AK8: variants seen among roughly 807,000 people sequenced by gnomAD.
AK8 encodes the protein adenylate kinase 8.
Under a neutral mutation model 54.6 loss-of-function variants are expected in AK8, and 44 were observed. The observed-to-expected ratio is 0.81, with a 90% CI of 0.63 to 1.04. The LOEUF (loss-of-function observed/expected upper bound fraction) is 1.04. Among genes scored for constraint, AK8 ranks in the 50% least tolerant of loss-of-function variants. The pLI is 0.00. For synonymous variants in AK8, 239 were observed against 245.6 expected (o/e 0.97, Z 0.25); for missense variants, 555 against 613.6 (o/e 0.90, Z 1.01).
At chr9:132,779,680 T>C (rs1296900754) in intron 11 of AK8, among the ~76,000 whole-genome samples, 3 of 122,600 alleles carry the variant, frequency 2.4e-5, no homozygotes, top group South Asian at 7.6e-4. Context: ...TCCAGAGCAG[T>C]AGTGCTGTGA....
intron 3 of AK8, among the ~76,000 whole-genome samples, chr9:132,866,203 AC>A (rs1482830811): frequency 6.6e-6 from 1 of 152,204 alleles, no homozygotes; most frequent in Non-Finnish European, 1.5e-5. Context: ...GTCTGAAAAA[AC>A]AAAAAAGGAC....
At chr9:132,816,894 G>A (rs897322924) in intron 9 of AK8, among the ~76,000 whole-genome samples, 1 of 152,186 alleles carries the variant, frequency 6.6e-6, no homozygotes, top group Non-Finnish European at 1.5e-5. Context: ...AGAATTTGTA[G>A]AACAGGGTAA....
chr9:132,792,835 T>C, intron 10 of AK8, 60 bp from the exon 11 acceptor site: 2 of 1,502,676 alleles, frequency 1.3e-6, no homozygotes, highest in Non-Finnish European at 1.8e-6. Context: ...GTCCTGGGCT[T>C]CCTAACTTTA....
chr9:132,814,034 T>C (rs1285201035), intron 10 of AK8, among the ~76,000 whole-genome samples: 2 of 151,926 alleles, frequency 1.3e-5, no homozygotes, highest in African/African-American at 2.4e-5. Flanking sequence ...TCCCAGCGTT[T>C]TGGGAGGCTG....
chr9:132,743,002 C>A (rs1432169991), intron 11 of AK8, among the ~76,000 whole-genome samples: 2 of 152,204 alleles, frequency 1.3e-5, no homozygotes, highest in Non-Finnish European at 2.9e-5. Flanking sequence ...TGTGATTCCG[C>A]TGAAGGAACA....
At chr9:132,863,889 G>A (rs775713916) in intron 3 of AK8, 111 bp from the exon 4 acceptor site, 75 of 816,882 alleles carry the variant, frequency 9.2e-5, no homozygotes, top group Non-Finnish European at 1.2e-4. Context: ...GTTGGCCATG[G>A]GGAAGCACAA....
chr9:132,825,134 C>T (rs554309679), intron 8 of AK8, among the ~76,000 whole-genome samples: 1 of 152,284 alleles, frequency 6.6e-6, no homozygotes, highest in South Asian at 2.1e-4. Flanking sequence ...AGCCTGCTTA[C>T]AAATGATGCT....
intron 11 of AK8, among the ~76,000 whole-genome samples, chr9:132,761,708 T>A (rs544343944): frequency 1.3e-5 from 2 of 152,292 alleles, no homozygotes; most frequent in East Asian, 3.9e-4. Context: ...ACTATATTTA[T>A]TATCAAAATG....
At chr9:132,841,829 C>T (rs899065961) in intron 5 of AK8, among the ~76,000 whole-genome samples, 2 of 152,066 alleles carry the variant, frequency 1.3e-5, no homozygotes, top group African/African-American at 2.4e-5. Flanking sequence ...AGCACCCTGG[C>T]GCTTGATTCT....
chr9:132,795,616 G>A (rs1050453109), intron 10 of AK8, among the ~76,000 whole-genome samples: 27 of 152,200 alleles, frequency 1.8e-4, no homozygotes, highest in African/African-American at 5.6e-4. Context: ...TTCACCCAGT[G>A]GGTAGTTGCT....
intron 9 of AK8, among the ~76,000 whole-genome samples, chr9:132,816,880 G>T (rs7864055): frequency 6.6e-6 from 1 of 152,066 alleles, no homozygotes; most frequent in Non-Finnish European, 1.5e-5. Flanking sequence ...GCTCTGAGAC[G>T]GCCAGAATTT....
chr9:132,752,997 C>T (rs886906740), intron 11 of AK8, among the ~76,000 whole-genome samples: 1 of 152,168 alleles, frequency 6.6e-6, no homozygotes, highest in Non-Finnish European at 1.5e-5. Context: ...GCGTCTGGAA[C>T]GGTGCCTGGC....
intron 9 of AK8, among the ~76,000 whole-genome samples, chr9:132,821,633 G>A (rs561021984): frequency 6.6e-6 from 1 of 151,346 alleles, no homozygotes; most frequent in South Asian, 2.1e-4. Context: ...GGCCTGAGAA[G>A]CATTTTTATT....
chr9:132,737,730 T>A (rs1418467044), intron 11 of AK8, among the ~76,000 whole-genome samples: 1 of 152,182 alleles, frequency 6.6e-6, no homozygotes, highest in Non-Finnish European at 1.5e-5. Context: ...CTCAACCCAA[T>A]AAAGGGCATT....
intron 12 of AK8, 125 bp downstream of exon 12, chr9:132,727,329 G>T: frequency 1.1e-6 from 1 of 875,768 alleles, no homozygotes; most frequent in Non-Finnish European, 1.9e-6. Flanking sequence ...AGTCCATTTT[G>T]ATAATCGTCC....
At chr9:132,834,011 C>T (rs549472655) in intron 5 of AK8, among the ~76,000 whole-genome samples, 1 of 152,246 alleles carries the variant, frequency 6.6e-6, no homozygotes, top group Non-Finnish European at 1.5e-5. Flanking sequence ...TGGCTCGCAG[C>T]TCCGACTGCA....
intron 2 of AK8, among the ~76,000 whole-genome samples, chr9:132,869,802 T>G (rs1050268272): frequency 2.0e-5 from 3 of 151,998 alleles, no homozygotes; most frequent in Non-Finnish European, 4.4e-5. Context: ...GGGAGGTTTG[T>G]GGGGAGGAGT....
intron 8 of AK8, among the ~76,000 whole-genome samples, chr9:132,824,194 G>T (rs1386077715): frequency 6.6e-6 from 1 of 152,224 alleles, no homozygotes; most frequent in East Asian, 1.9e-4. Context: ...AGGCTGTAAA[G>T]GCAGCATTTC....
At chr9:132,778,824 G>C (rs1839337603) in intron 11 of AK8, among the ~76,000 whole-genome samples, 1 of 151,760 alleles carries the variant, frequency 6.6e-6, no homozygotes, top group Non-Finnish European at 1.5e-5. Flanking sequence ...ATAAACATTG[G>C]TAAATGCCCT....
Sources: gnomAD v4.1 joint callset for allele counts (sites outside exome capture counted in the v4.1 genomes callset) on GRCh38, gnomAD v4.1.1 for gene constraint, MANE v1.5 for transcripts, NCBI Gene and HGNC (gene_info 2026-07-23, HGNC 2026-07-21) for gene names.